Variants in PARN observed in about 807,000 individuals in gnomAD.
PARN encodes the protein poly(A)-specific ribonuclease PARN.
PARN carries 71 observed loss-of-function variants against 102.8 expected under a neutral mutation model. The observed-to-expected ratio is 0.69, with a 90% CI of 0.57 to 0.84. The LOEUF is 0.84. Ranked by LOEUF, PARN falls within the 40% of genes least tolerant of loss-of-function variation. The pLI is 0.00. For missense variants in PARN, 782 were observed against 760.9 expected (o/e 1.03, Z -0.33); for synonymous variants, 261 against 252.9 (o/e 1.03, Z -0.30).
rs565055782 is a variant in PARN, at chr16:14,512,003, T to C, written c.1481-29176A>G. 5.6e-4 allele frequency among the ~76,000 whole-genome samples: 86 copies of C among 152,338 alleles called. 2 individuals are homozygous for C. The highest frequency in any genetic ancestry group is 2.0e-3 in the African/African-American group (83 of 41,570). On this transcript the variant is annotated intron_variant, in intron 21 of 23. Coordinates refer to ENST00000437198, the MANE Select transcript of PARN (RefSeq NM_002582.4). ...CAGGCCTGGACATTAAATACATCTA[T>C]AACCTACTTCACAAGTAATTCTGAA...
At chr16:14,528,656 C>T (rs1041901149) in intron 21 of PARN, among the ~76,000 whole-genome samples, 3 of 152,158 alleles carry the variant, frequency 2.0e-5, no homozygotes, top group African/African-American at 7.2e-5. Context: ...GCAGCTAATG[C>T]CAGGCACTAT....
Position 14,629,337 on chromosome 16 carries a change from A to G in PARN, c.97+260T>C, listed in dbSNP as rs1034664380. Reference sequence around the variant, plus strand: ...CTAATCCTCAAGCTCTCTGCAATGTACACGCCGCACTGTTTTAAGCAGCAT... The same window carrying G: ...CTAATCCTCAAGCTCTCTGCAATGTGCACGCCGCACTGTTTTAAGCAGCAT... On this transcript the variant is annotated intron_variant, in intron 2 of 23. Transcript: ENST00000437198. Among the ~76,000 whole-genome samples, 5 of 152,240 alleles carry G rather than the reference A, an allele frequency of 3.3e-5. No individual in the cohort carries two copies. The East Asian group carries it at 7.7e-4, about 23-fold the overall frequency.
intron 21 of PARN, among the ~76,000 whole-genome samples, chr16:14,485,629 T>C (rs1222244670): frequency 6.6e-6 from 1 of 152,116 alleles, no homozygotes; most frequent in African/African-American, 2.4e-5. Flanking sequence ...CAATGAGCAT[T>C]CTCCTGGATT....
At chr16:14,531,990 G>A (rs1966361463) in intron 21 of PARN, among the ~76,000 whole-genome samples, 1 of 151,894 alleles carries the variant, frequency 6.6e-6, no homozygotes, top group Non-Finnish European at 1.5e-5. Context: ...TTCAGCCCAG[G>A]AGTTCGAGGC....
At position 14,482,841 on chromosome 16, in the gene PARN, A is replaced by G; in HGVS notation, c.1481-14T>C. ...TGGTATTGACAGCTACAAGGAAAAG[A>G]AAAAAAAATAAAATGCTTACAAAAG... On this transcript the variant is annotated splice_polypyrimidine_tract_variant and intron_variant, in intron 21 of 23. Transcript: ENST00000437198. 17 of 1,554,910 alleles carry G rather than the reference A, an allele frequency of 1.1e-5. No homozygotes were observed. Among genetic ancestry groups the G allele is most frequent in the Non-Finnish European group, 1.4e-5 (16 of 1,148,168 alleles).
chr16:14,620,622 C>G (rs997938019), intron 5 of PARN, among the ~76,000 whole-genome samples: 4 of 152,170 alleles, frequency 2.6e-5, no homozygotes, highest in East Asian at 1.9e-4. Context: ...GACATGGTAA[C>G]AAACAGTTCC....
At chr16:14,628,319 T>C (rs1434506823) in intron 2 of PARN, 68 bp from the exon 3 acceptor site, 13 of 839,762 alleles carry the variant, frequency 1.5e-5, no homozygotes, top group Non-Finnish European at 2.4e-5. Flanking sequence ...CAGTCAATCA[T>C]TCAGTGCCTC....
chr16:14,536,909 T>C (rs1396075655), intron 21 of PARN, among the ~76,000 whole-genome samples: 3 of 152,062 alleles, frequency 2.0e-5, no homozygotes, highest in Non-Finnish European at 4.4e-5. Context: ...AGCTAAGACT[T>C]CGAAGCACAG....
In PARN at chr16:14,435,896, T is replaced by TCACACACACACACACACACACA. The variant is rs71373026; in HGVS notation, c.*799_*820dup. The TCACACACACACACACACACACA allele has an allele frequency of 7.6e-6, 1 of 131,076 alleles. No individual in the cohort carries two copies. The highest frequency in any genetic ancestry group is 3.0e-5 in the African/African-American group (1 of 33,822). 8.1% of individuals were successfully genotyped at this position (131,076 alleles called of 1,614,324 possible). ...GGACATGTTGTAGATTTGCACGATT[T>TCACACACACACACACACACACA]CACACACACACACACACACACACAC... is the stretch of plus-strand genomic sequence containing the variant. On this transcript the variant is annotated 3_prime_UTR_variant, in exon 24 of 24. Transcript: ENST00000437198.
intron 22 of PARN, among the ~76,000 whole-genome samples, chr16:14,476,660 T>A (rs777411227): frequency 6.6e-6 from 1 of 152,092 alleles, no homozygotes; most frequent in Non-Finnish European, 1.5e-5. Context: ...CGAGACCCCA[T>A]CTCTATTAAA....
At chr16:14,602,313 G>C (rs1033042195) in intron 11 of PARN, among the ~76,000 whole-genome samples, 2 of 151,916 alleles carry the variant, frequency 1.3e-5, no homozygotes, top group Admixed American at 6.6e-5. Flanking sequence ...AAATGCTGTT[G>C]ATCCTCAGGA....
intron 6 of PARN, 22 bp from the exon 7 acceptor site, chr16:14,610,831 AT>A (rs1567448217): frequency 6.5e-7 from 1 of 1,534,956 alleles, no homozygotes; most frequent in South Asian, 1.1e-5. Flanking sequence ...TTTAAAAAGA[AT>A]GCATTAGCAG....
At chr16:14,585,364 G>GTTTT (rs36030259) in intron 14 of PARN, among the ~76,000 whole-genome samples, 2 of 121,126 alleles carry the variant, frequency 1.7e-5, no homozygotes, top group Non-Finnish European at 1.7e-5. Flanking sequence ...CTATTTCTCT[G>GTTTT]TTTTTTTTTT....
At chr16:14,474,078 G>A (rs1034435613) in intron 22 of PARN, among the ~76,000 whole-genome samples, 2 of 152,006 alleles carry the variant, frequency 1.3e-5, no homozygotes, top group Non-Finnish European at 2.9e-5. Context: ...CTGGAGCCTC[G>A]ACTTTCTGAG....
intron 21 of PARN, among the ~76,000 whole-genome samples, chr16:14,522,010 T>C (rs1965760708): frequency 1.3e-5 from 2 of 152,234 alleles, no homozygotes; most frequent in Admixed American, 6.5e-5. Context: ...CTACTCCTTG[T>C]AGTCTAGGAC....
rs139219902 is a variant in PARN, at chr16:14,463,027, G to A, written c.1671-15946C>T. On this transcript the variant is annotated intron_variant, in intron 22 of 23. Transcript: ENST00000437198. ...AGCAGAGGACTGATCAGCACATAATGGGTGAGCAATTCCCCAGGGCTGGGG... is the reference window on the plus strand; with the variant it reads ...AGCAGAGGACTGATCAGCACATAATAGGTGAGCAATTCCCCAGGGCTGGGG... 7.9e-3 allele frequency among the ~76,000 whole-genome samples: 1,200 copies of A among 152,288 alleles called. 15 individuals carry two copies. The highest frequency in any genetic ancestry group is 0.011 in the Non-Finnish European group (754 of 68,020).
intron 22 of PARN, among the ~76,000 whole-genome samples, chr16:14,462,428 A>G (rs1485621395): frequency 6.6e-6 from 1 of 152,116 alleles, no homozygotes; most frequent in South Asian, 2.1e-4. Flanking sequence ...GAAAGAAAGA[A>G]GAGAGAAATG....
chr16:14,589,852 G>GTT (rs1970067581), intron 13 of PARN, among the ~76,000 whole-genome samples: 2 of 151,654 alleles, frequency 1.3e-5, no homozygotes, highest in South Asian at 4.2e-4. Flanking sequence ...AGGTGACAGA[G>GTT]TAAGACTCCA....
intron 21 of PARN, among the ~76,000 whole-genome samples, chr16:14,527,251 T>C (rs770352696): frequency 4.6e-5 from 7 of 152,242 alleles, no homozygotes; most frequent in East Asian, 1.9e-4. Context: ...ACATGATAAA[T>C]TGAGTTCCCT....
Sources: gnomAD v4.1 joint callset for allele counts (sites outside exome capture counted in the v4.1 genomes callset) on GRCh38, gnomAD v4.1.1 for gene constraint, MANE v1.5 for transcripts, NCBI Gene and HGNC (gene_info 2026-07-23, HGNC 2026-07-21) for gene names.